The following FOXJ3 variants were observed in gnomAD, a reference collection of about 807,000 sequenced individuals.
The protein encoded by FOXJ3 is forkhead box J3.
FOXJ3 carries 22 observed loss-of-function variants against 76.1 expected under a neutral mutation model. The observed-to-expected ratio is 0.29, with a 90% CI of 0.21 to 0.41. The LOEUF (loss-of-function observed/expected upper bound fraction) is 0.41, where lower values mean the gene tolerates loss of function less well. Among genes scored for constraint, FOXJ3 ranks in the 10% least tolerant of loss-of-function variants. The pLI, the probability that FOXJ3 is intolerant of heterozygous loss-of-function variation, is 1.00. For missense variants in FOXJ3, 613 were observed against 762.1 expected (o/e 0.80, Z 2.30); for synonymous variants, 269 against 261.2 (o/e 1.03, Z -0.29).
intron 8 of FOXJ3, among the ~76,000 whole-genome samples, chr1:42,192,315 C>T (rs992822798): frequency 1.3e-5 from 2 of 152,144 alleles, no homozygotes; most frequent in African/African-American, 4.8e-5. Flanking sequence ...CCTGTGAGCA[C>T]GTCCAGCACA....
intron 4 of FOXJ3, among the ~76,000 whole-genome samples, chr1:42,230,658 G>A (rs1225621588): frequency 2.0e-5 from 3 of 152,212 alleles, no homozygotes; most frequent in African/African-American, 2.4e-5. Flanking sequence ...ACAAGTTTTG[G>A]ATTTTATAGC....
chr1:42,240,586 C>T lies in FOXJ3; in HGVS notation c.445-12620G>A, dbSNP rs146718805. On this transcript the variant is annotated intron_variant, in intron 4 of 12. Transcript: ENST00000361346. ...TATATATTTATGGTCAAATTGTTTTCCACAGACTACCAAGACAATTCAACA... is the reference window on the plus strand; with the variant it reads ...TATATATTTATGGTCAAATTGTTTTTCACAGACTACCAAGACAATTCAACA... Among the ~76,000 whole-genome samples the T allele has an allele frequency of 5.3e-5, 8 of 152,274 alleles. No homozygotes were observed. The East Asian group carries it at 1.5e-3, about 29-fold the overall frequency.
chr1:42,189,016 CA>C (rs1323987679), intron 10 of FOXJ3, 88 bp from the exon 11 acceptor site: 1 of 838,468 alleles, frequency 1.2e-6, no homozygotes, highest in African/African-American at 1.7e-5. Flanking sequence ...TTTCAGCTCT[CA>C]AAATTTCCAC....
At chr1:42,277,344 C>A (rs1001456606) in intron 3 of FOXJ3, among the ~76,000 whole-genome samples, 3 of 137,212 alleles carry the variant, frequency 2.2e-5, no homozygotes, top group African/African-American at 8.0e-5. Context: ...GGTAACAGAG[C>A]AAGACCTTGT....
At chr1:42,236,091 G>A (rs1648604754) in intron 4 of FOXJ3, among the ~76,000 whole-genome samples, 1 of 121,198 alleles carries the variant, frequency 8.3e-6, no homozygotes, top group Non-Finnish European at 1.9e-5. Flanking sequence ...CACAGGATCA[G>A]TCCAATTTCC....
intron 1 of FOXJ3, among the ~76,000 whole-genome samples, chr1:42,320,044 C>A (rs1375445397): frequency 6.6e-6 from 1 of 152,128 alleles, no homozygotes; most frequent in Non-Finnish European, 1.5e-5. Flanking sequence ...ACTACTTCGG[C>A]TATACTCCTC....
In FOXJ3 at chr1:42,186,238, C is replaced by T. The variant is rs186446378; in HGVS notation, c.1645+2499G>A. On this transcript the variant is annotated intron_variant, in intron 11 of 12. Transcript: ENST00000361346. Reference sequence around the variant, plus strand: ...AAAACAAGAGGAAGCAGGCTGGACACGTAAAAAAAATCTGAATATTTGTGA... The same window carrying T: ...AAAACAAGAGGAAGCAGGCTGGACATGTAAAAAAAATCTGAATATTTGTGA... 3.1e-3 allele frequency among the ~76,000 whole-genome samples: 469 copies of T among 151,906 alleles called. 3 individuals are homozygous for T. Among genetic ancestry groups the T allele is most frequent in the Non-Finnish European group, 5.3e-3 (357 of 67,994 alleles).
intron 3 of FOXJ3, among the ~76,000 whole-genome samples, chr1:42,270,281 C>T (rs1350965777): frequency 2.6e-5 from 4 of 152,152 alleles, no homozygotes; most frequent in Non-Finnish European, 4.4e-5. Context: ...TAATAAACTT[C>T]GTCATCCTGA....
chr1:42,221,209 A>C (rs1647178780), intron 5 of FOXJ3, among the ~76,000 whole-genome samples: 1 of 152,216 alleles, frequency 6.6e-6, no homozygotes, highest in African/African-American at 2.4e-5. Flanking sequence ...GAAAAAAGCA[A>C]AGAACATCTG....
At chr1:42,278,951 T>C (rs1055673209) in intron 2 of FOXJ3, among the ~76,000 whole-genome samples, 1 of 152,198 alleles carries the variant, frequency 6.6e-6, no homozygotes, top group South Asian at 2.1e-4. Context: ...TGCCAATCTT[T>C]CTAAAAATCA....
intron 4 of FOXJ3, among the ~76,000 whole-genome samples, chr1:42,237,873 C>A (rs1433721531): frequency 2.0e-5 from 3 of 151,232 alleles, no homozygotes; most frequent in African/African-American, 7.3e-5. Flanking sequence ...AATATTGTAA[C>A]ATTTCCCTAC....
intron 2 of FOXJ3, among the ~76,000 whole-genome samples, chr1:42,301,279 T>A (rs1654127560): frequency 6.6e-6 from 1 of 152,064 alleles, no homozygotes; most frequent in Non-Finnish European, 1.5e-5. Context: ...CGCCACAACC[T>A]CCACCTCCTG....
intron 11 of FOXJ3, among the ~76,000 whole-genome samples, chr1:42,183,129 A>G (rs1646358085): frequency 6.6e-6 from 1 of 150,580 alleles, no homozygotes; most frequent in African/African-American, 2.5e-5. Flanking sequence ...ACAAAGAATT[A>G]GCTGGGTGTG....
chr1:42,263,528 T>C (rs1409472019), intron 4 of FOXJ3, among the ~76,000 whole-genome samples: 1 of 152,178 alleles, frequency 6.6e-6, no homozygotes, highest in Non-Finnish European at 1.5e-5. Flanking sequence ...AAGGAAAAGG[T>C]GCACCAATTC....
intron 2 of FOXJ3, among the ~76,000 whole-genome samples, chr1:42,300,438 T>C (rs948634407): frequency 6.6e-6 from 1 of 152,004 alleles, no homozygotes; most frequent in Admixed American, 6.6e-5. Context: ...AAGACTTTAT[T>C]TCTCCTTCAT....
intron 4 of FOXJ3, among the ~76,000 whole-genome samples, chr1:42,241,215 A>G (rs1649114055): frequency 6.6e-6 from 1 of 152,114 alleles, no homozygotes; most frequent in Non-Finnish European, 1.5e-5. Flanking sequence ...GCTTCCTGAC[A>G]GCTCCACCAG....
At chr1:42,180,028 C>T (rs1169211879) in intron 12 of FOXJ3, among the ~76,000 whole-genome samples, 3 of 152,130 alleles carry the variant, frequency 2.0e-5, no homozygotes, top group Non-Finnish European at 4.4e-5. Context: ...TACCCAAAGT[C>T]ACACAACCAG....
intron 2 of FOXJ3, among the ~76,000 whole-genome samples, chr1:42,310,222 T>C (rs1012918820): frequency 1.3e-4 from 20 of 151,514 alleles, no homozygotes; most frequent in African/African-American, 4.4e-4. Context: ...CTCGGCTTAC[T>C]GCAACCTCCA....
rs758657783 is a variant in FOXJ3 at position 42,188,791 on chromosome 1, T to C, written c.1591A>G (p.Asn531Asp). 16 of 1,611,834 alleles carry C rather than the reference T, an allele frequency of 9.9e-6. No homozygotes were observed. The South Asian group carries it at 1.8e-4, about 18-fold the overall frequency. ...GGATGCATGGCACCATGACAAACAT[T>C]TTGTTGAACATTACTCTGTGAATGT... ...LIHSQSNVQQNVCHGAMHPTK... is the reference protein window; with the variant it reads ...LIHSQSNVQQDVCHGAMHPTK... The change falls in exon 11 of 13, where the codon AAT becomes GAT. Residue 531 changes from asparagine (N) to aspartate (D), a missense_variant. By Grantham distance (23) the Asn-to-Asp change is conservative. Around this residue, in one of 3 missense-constraint regions of FOXJ3, gnomAD observed 526 missense variants for 601.4 expected, o/e 0.87. Coordinates refer to ENST00000361346, the MANE Select transcript of FOXJ3 (RefSeq NM_014947.5).
Sources: allele counts gnomAD v4.1 joint callset (sites outside exome capture counted in the v4.1 genomes callset), GRCh38; gene constraint gnomAD v4.1.1; regional missense constraint gnomAD v4.1.1; transcripts MANE v1.5; gene names NCBI Gene and HGNC (gene_info 2026-07-23, HGNC 2026-07-21).